The following LIFR variants were observed in gnomAD, a reference collection of about 807,000 sequenced individuals.
LIFR encodes LIF receptor subunit alpha.
In LIFR, 84 loss-of-function variants were observed where a neutral mutation model predicts 122.2. That is an observed-to-expected ratio of 0.69 (90% confidence interval 0.58 to 0.82). The LOEUF (loss-of-function observed/expected upper bound fraction) is 0.82. Ranked by LOEUF, LIFR falls within the 40% of genes least tolerant of loss-of-function variation. LIFR has a pLI of 0.00. For synonymous variants in LIFR, 422 were observed against 434.7 expected, an observed-to-expected ratio of 0.97 and a Z score of 0.36; for missense variants, 1,294 against 1,311.6, an observed-to-expected ratio of 0.99 and a Z score of 0.21.
rs755821215 is a variant in LIFR, at chr5:38,489,169, A to C, written c.2244T>G (p.Pro748=). ...TTAAAAAGCCTCTAAGTTCTTCCAC[A>C]GGAATGTCTTCCCATTTTACTAATA... ...DSILVKWEDI[P]VEELRGFLRG... The change falls in exon 16 of 20, where the codon CCT becomes CCG. Residue 748 remains proline, a synonymous_variant. Transcript: ENST00000453190. The C allele has an allele frequency of 6.2e-7, 1 of 1,612,720 alleles. No homozygotes were observed. Among genetic ancestry groups the C allele is most frequent in the Non-Finnish European group, 8.5e-7 (1 of 1,178,920 alleles).
At chr5:38,485,664 A>T in intron 17 of LIFR, 155 bp downstream of exon 17, 1 of 713,974 alleles carries the variant, frequency 1.4e-6, no homozygotes, top group Non-Finnish European at 2.5e-6. Context: ...AAGTAATCTT[A>T]CAGCTTTTTA....
At chr5:38,562,660 A>G (rs1232208794) in intron 1 of LIFR, among the ~76,000 whole-genome samples, 1 of 152,252 alleles carries the variant, frequency 6.6e-6, no homozygotes, top group Non-Finnish European at 1.5e-5. Flanking sequence ...CAAAAGATTA[A>G]GGGATTGAGC....
intron 1 of LIFR, among the ~76,000 whole-genome samples, chr5:38,561,697 T>G (rs1748844564): frequency 6.6e-6 from 1 of 152,216 alleles, no homozygotes; most frequent in Non-Finnish European, 1.5e-5. Context: ...CACTCCTAAG[T>G]CTATCAAAGC....
rs1333212713 is a variant in LIFR, at chr5:38,593,286, TG to T, written c.-20+1974del. ...GAGGGGAAGATGTCCAGTATGAAAC[TG>T]GGGGGGATGTTAATGAATTCTGTTA... On this transcript the variant is annotated intron_variant, in intron 1 of 19. Transcript: ENST00000263409. Among the ~76,000 whole-genome samples, 130 of 151,862 alleles carry T rather than the reference TG, an allele frequency of 8.6e-4. 1 individual carries two copies. The highest frequency in any genetic ancestry group is 1.6e-4 in the Non-Finnish European group (11 of 67,868).
chr5:38,598,252 T>TTA (rs1750156211), upstream of LIFR, among the ~76,000 whole-genome samples: 2 of 54,778 alleles, frequency 3.7e-5, no homozygotes, highest in African/African-American at 2.2e-4. Context: ...TTTATTTTTT[T>TTA]TTTTTTTCTT....
Position 38,482,540 on chromosome 5 carries a change from A to G in LIFR, c.2670+49T>C, listed in dbSNP as rs1418137224. Reference sequence around the variant, plus strand: ...TTAAAAACTTTTCACAAAAGATTAAAAAAAGAAGCCAGCACATCAAAGATA... The same window carrying G: ...TTAAAAACTTTTCACAAAAGATTAAGAAAAGAAGCCAGCACATCAAAGATA... On this transcript the variant is annotated intron_variant, in intron 19 of 19. Coordinates refer to ENST00000453190, the MANE Select transcript of LIFR (RefSeq NM_001127671.2). 3.0e-6 allele frequency: 3 copies of G among 1,008,802 alleles called. No individual in the cohort carries two copies. In the East Asian group the frequency reaches 7.4e-5, roughly 25 times the overall value. The allele number at this position is 1,008,802 out of a possible 1,614,324, so 62.5% of individuals were successfully genotyped here.
chr5:38,499,525 T>A lies in LIFR; in HGVS notation c.1659A>T (p.Ile553=). The A allele has an allele frequency of 6.3e-7, 1 of 1,596,118 alleles. No homozygotes were observed. The highest frequency in any genetic ancestry group is 2.2e-5 in the East Asian group (1 of 44,798). Residue 553 remains isoleucine, a synonymous_variant, in exon 12 of 20, where the codon ATA becomes ATT. Coordinates refer to ENST00000453190, the MANE Select transcript of LIFR (RefSeq NM_001127671.2). ...ATTAGATATTTACCTTCCAATAGAT[T>A]ATTAAATTTTTTCCATCAGAACTCC... is the stretch of plus-strand genomic sequence containing the variant. ...REWSSDGKNL[I]IYWKPLPINE...
chr5:38,588,269 C>T (rs1749812845), intron 1 of LIFR, among the ~76,000 whole-genome samples: 1 of 152,126 alleles, frequency 6.6e-6, no homozygotes, highest in Admixed American at 6.5e-5. Flanking sequence ...GAACTGTCCT[C>T]TGGGAAACCA....
intron 14 of LIFR, among the ~76,000 whole-genome samples, chr5:38,492,113 TAA>T (rs1475490491): frequency 6.6e-6 from 1 of 152,108 alleles, no homozygotes; most frequent in East Asian, 1.9e-4. Flanking sequence ...CAGCAGTAAA[TAA>T]AAGACAATAT....
upstream of LIFR, among the ~76,000 whole-genome samples, chr5:38,597,165 C>G (rs1033868621): frequency 1.3e-5 from 2 of 152,212 alleles, no homozygotes; most frequent in African/African-American, 2.4e-5. Flanking sequence ...AAAGCTTATA[C>G]TCAGCCAGGC....
At chr5:38,570,196 T>A (rs943799776) in intron 1 of LIFR, among the ~76,000 whole-genome samples, 3 of 152,196 alleles carry the variant, frequency 2.0e-5, no homozygotes, top group Non-Finnish European at 2.9e-5. Flanking sequence ...ATGGTTAGGA[T>A]TAAATGAATT....
At chr5:38,496,632 A>G in intron 12 of LIFR, 37 bp from the exon 13 acceptor site, 1 of 1,460,540 alleles carries the variant, frequency 6.8e-7, no homozygotes, top group Non-Finnish European at 9.6e-7. Flanking sequence ...AAACCCTGCA[A>G]AACGTGACTG....
At chr5:38,581,609 C>CT (rs1048000398) in intron 1 of LIFR, among the ~76,000 whole-genome samples, 1 of 152,182 alleles carries the variant, frequency 6.6e-6, no homozygotes, top group Non-Finnish European at 1.5e-5. Flanking sequence ...CAAGAGTCTT[C>CT]TTTTTTCTGG....
chr5:38,528,597 G>A lies in LIFR; in HGVS notation c.257+129C>T, dbSNP rs537226009. On this transcript the variant is annotated intron_variant, in intron 3 of 19. Transcript: ENST00000453190. ...GGAGAAAAATGAGGCAGAGGTCACG[G>A]CAGACTCTGCTGGACACAGAACACA... The A allele has an allele frequency of 3.8e-5, 27 of 718,146 alleles. 1 individual carries two copies. The Admixed American group carries it at 4.5e-4, about 12-fold the overall frequency. 44.5% of individuals were successfully genotyped at this position (718,146 alleles called of 1,614,324 possible). A position where few individuals can be genotyped will look rare whatever the true frequency, so the allele number is the denominator to read the frequency against.
Position 38,484,972 on chromosome 5 carries a change from A to C in LIFR, c.2498-104T>G, listed in dbSNP as rs940402412. 26 of 775,540 alleles carry C rather than the reference A, an allele frequency of 3.4e-5. No homozygotes were observed. In the East Asian group the frequency reaches 6.8e-4, roughly 20 times the overall value. The allele number at this position is 775,540 out of a possible 1,614,324, so 48.0% of individuals were successfully genotyped here. A position where few individuals can be genotyped will look rare whatever the true frequency, so the allele number is the denominator to read the frequency against. On this transcript the variant is annotated intron_variant, in intron 17 of 19. Coordinates refer to ENST00000453190, the MANE Select transcript of LIFR (RefSeq NM_001127671.2). Reference sequence around the variant, plus strand: ...TAGGTTGGTAAATTATTTAGGAAAAAAACAAAATTAACTGCTGCAGGGACA... The same window carrying C: ...TAGGTTGGTAAATTATTTAGGAAAACAACAAAATTAACTGCTGCAGGGACA...
chr5:38,482,048 C>T lies in LIFR; in HGVS notation c.2841G>A (p.Val947=), dbSNP rs1012533290. Residue 947 remains valine (V), a synonymous_variant, in exon 20 of 20, where the codon GTG becomes GTA. Coordinates refer to ENST00000453190, the MANE Select transcript of LIFR (RefSeq NM_001127671.2). ...CCTCAATGATGGGTGGACAATAGGA[C>T]ACAACCACATGGTTTTCAGGCTCTG... ...SDAEPENHVV[V]SYCPPIIEEE... 1.2e-6 allele frequency: 2 copies of T among 1,612,464 alleles called. No homozygotes were observed. The highest frequency in any genetic ancestry group is 1.7e-5 in the Admixed American group (1 of 59,858).
intron 1 of LIFR, among the ~76,000 whole-genome samples, chr5:38,584,400 G>A (rs1333862573): frequency 1.3e-5 from 2 of 152,062 alleles, no homozygotes; most frequent in African/African-American, 4.8e-5. Flanking sequence ...GCACTCTCAT[G>A]TTCATTGTGG....
At chr5:38,542,917 T>C (rs186713690) in intron 1 of LIFR, among the ~76,000 whole-genome samples, 1 of 152,150 alleles carries the variant, frequency 6.6e-6, no homozygotes, top group African/African-American at 2.4e-5. Context: ...TAATATTATA[T>C]AGCAATGATT....
At chr5:38,598,719 C>T (rs1750169384), upstream of LIFR, among the ~76,000 whole-genome samples, 1 of 152,166 alleles carries the variant, frequency 6.6e-6, no homozygotes, top group Admixed American at 6.5e-5. Context: ...TTCCTCAACA[C>T]TGGGCTGCTT....
Sources: allele counts gnomAD v4.1 joint callset (sites outside exome capture counted in the v4.1 genomes callset), GRCh38; gene constraint gnomAD v4.1.1; transcripts MANE v1.5; gene names NCBI Gene and HGNC (gene_info 2026-07-23, HGNC 2026-07-21).